KCNT2: variants seen among roughly 807,000 people sequenced by gnomAD.
The protein encoded by KCNT2 is potassium sodium-activated channel subfamily T member 2.
Under a neutral mutation model 153.8 loss-of-function variants are expected in KCNT2, and 67 were observed. The observed-to-expected ratio is 0.44, with a 90% confidence interval of 0.36 to 0.53. KCNT2 has a LOEUF of 0.53. Ranked by LOEUF, KCNT2 falls within the 20% of genes least tolerant of loss-of-function variation. KCNT2 has a pLI of 0.00. For missense variants in KCNT2, 975 were observed against 1,354.8 expected, an observed-to-expected ratio of 0.72 and a Z score of 4.40; for synonymous variants, 500 against 458.8, an observed-to-expected ratio of 1.09 and a Z score of -1.15.
chr1:196,323,477 A>C (rs1242121521), intron 19 of KCNT2, among the ~76,000 whole-genome samples: 1 of 151,924 alleles, frequency 6.6e-6, no homozygotes, highest in Admixed American at 6.6e-5. Context: ...CAGACCAAAC[A>C]GAACAGATGG....
intron 12 of KCNT2, among the ~76,000 whole-genome samples, chr1:196,417,160 TC>T (rs1256854046): frequency 2.0e-5 from 3 of 152,112 alleles, no homozygotes; most frequent in Non-Finnish European, 4.4e-5. Context: ...TGCCACTTTT[TC>T]TTGTAAATAA....
intron 19 of KCNT2, among the ~76,000 whole-genome samples, chr1:196,322,916 A>C (rs1191552935): frequency 6.6e-6 from 1 of 151,924 alleles, no homozygotes; most frequent in South Asian, 2.1e-4. Flanking sequence ...CATCAGTTTG[A>C]ATAGTGACAG....
At chr1:196,605,109 G>A (rs974027116) in intron 1 of KCNT2, among the ~76,000 whole-genome samples, 1 of 152,198 alleles carries the variant, frequency 6.6e-6, no homozygotes, top group African/African-American at 2.4e-5. Context: ...TTCTTACAGT[G>A]AGGAACAAGG....
intron 3 of KCNT2, among the ~76,000 whole-genome samples, chr1:196,484,851 A>T (rs534708341): frequency 6.6e-6 from 1 of 152,152 alleles, no homozygotes; most frequent in Admixed American, 6.6e-5. Context: ...TGTTGGTGAG[A>T]ATGTAAATTA....
intron 18 of KCNT2, among the ~76,000 whole-genome samples, chr1:196,327,152 T>C (rs112079706): frequency 0.05 from 7,543 of 152,186 alleles, 288 homozygotes; most frequent in Non-Finnish European, 0.072. Flanking sequence ...GCTTGTTCTA[T>C]TGTAAACTAA....
chr1:196,569,665 G>A lies in KCNT2; in HGVS notation c.95+38550C>T, dbSNP rs1164868749. Among the ~76,000 whole-genome samples the A allele has an allele frequency of 3.3e-5, 5 of 152,016 alleles. No homozygotes were observed. In the East Asian group the frequency reaches 9.7e-4, roughly 29 times the overall value. On this transcript the variant is annotated intron_variant, in intron 1 of 27. Transcript: ENST00000294725. Reference sequence around the variant, plus strand: ...GAGGGAGTTCAGACTTCTGGAGAGAGCTAAAAAAAACCCTCTGAATTCATT... The same window carrying A: ...GAGGGAGTTCAGACTTCTGGAGAGAACTAAAAAAAACCCTCTGAATTCATT...
At chr1:196,401,144 T>C (rs763468118) in intron 12 of KCNT2, among the ~76,000 whole-genome samples, 1 of 151,854 alleles carries the variant, frequency 6.6e-6, no homozygotes, top group Non-Finnish European at 1.5e-5. Flanking sequence ...GAGCTGACAT[T>C]TGTGAAGCAC....
At chr1:196,525,392 T>C (rs1300264099) in intron 1 of KCNT2, among the ~76,000 whole-genome samples, 1 of 152,198 alleles carries the variant, frequency 6.6e-6, no homozygotes, top group East Asian at 1.9e-4. Context: ...GTAATTTCCC[T>C]GTTTAATAGC....
At chr1:196,330,219 A>G (rs1437891167) in intron 18 of KCNT2, among the ~76,000 whole-genome samples, 1 of 151,506 alleles carries the variant, frequency 6.6e-6, no homozygotes, top group African/African-American at 2.4e-5. Flanking sequence ...CAAAATTTAT[A>G]ATATTTGTCA....
intron 14 of KCNT2, among the ~76,000 whole-genome samples, chr1:196,360,625 T>A (rs1028855846): frequency 2.6e-5 from 4 of 151,972 alleles, no homozygotes; most frequent in South Asian, 4.1e-4. Context: ...ATCTGACTGG[T>A]GTCTTCCGAA....
At chr1:196,289,459 A>G (rs963483651) in intron 22 of KCNT2, among the ~76,000 whole-genome samples, 4 of 152,150 alleles carry the variant, frequency 2.6e-5, no homozygotes, top group African/African-American at 9.7e-5. Flanking sequence ...TGCCTGGCAC[A>G]CAGTCAGTGA....
At chr1:196,334,994 C>T (rs1286403522) in intron 16 of KCNT2, among the ~76,000 whole-genome samples, 1 of 152,088 alleles carries the variant, frequency 6.6e-6, no homozygotes, top group Non-Finnish European at 1.5e-5. Context: ...ATACTTGAGG[C>T]ATTCAAGGAA....
intron 1 of KCNT2, among the ~76,000 whole-genome samples, chr1:196,507,689 A>G (rs1681260162): frequency 6.6e-6 from 1 of 152,194 alleles, no homozygotes; most frequent in East Asian, 1.9e-4. Context: ...TGTTATATTT[A>G]TATAAAGGAT....
intron 14 of KCNT2, among the ~76,000 whole-genome samples, chr1:196,372,464 G>A (rs923119948): frequency 2.0e-5 from 3 of 151,774 alleles, no homozygotes; most frequent in African/African-American, 7.2e-5. Flanking sequence ...AAGTACATTT[G>A]TCTCTTTAAA....
intron 1 of KCNT2, among the ~76,000 whole-genome samples, chr1:196,593,537 TA>T (rs989561565): frequency 7.2e-5 from 11 of 151,792 alleles, no homozygotes. Context: ...CGAAAATAAC[TA>T]AAAGAGTATA....
At chr1:196,500,133 G>A (rs975541524) in intron 1 of KCNT2, among the ~76,000 whole-genome samples, 9 of 149,996 alleles carry the variant, frequency 6.0e-5, no homozygotes, top group Middle Eastern at 6.8e-3. Context: ...GATAGAGTGA[G>A]ACTCCATCAA....
At chr1:196,433,869 T>C (rs1486698483) in intron 8 of KCNT2, among the ~76,000 whole-genome samples, 1 of 152,034 alleles carries the variant, frequency 6.6e-6, no homozygotes, top group Non-Finnish European at 1.5e-5. Context: ...GCTGGGTAGG[T>C]ACACAGGTAG....
At chr1:196,476,420 ATTTGTCAATCAGGACATAT>A (rs993085583) in intron 5 of KCNT2, among the ~76,000 whole-genome samples, 1 of 152,184 alleles carries the variant, frequency 6.6e-6, no homozygotes, top group Non-Finnish European at 1.5e-5. Context: ...CAATATCCAG[ATTTGTCAATCAGGACATAT>A]TTATAGTGCA....
intron 22 of KCNT2, among the ~76,000 whole-genome samples, chr1:196,291,410 AT>A (rs1481195518): frequency 1.3e-5 from 2 of 152,046 alleles, no homozygotes; most frequent in Non-Finnish European, 2.9e-5. Flanking sequence ...AAAAAGTAAG[AT>A]TCCAAGCATC....
Sources: gnomAD v4.1 joint callset for allele counts (sites outside exome capture counted in the v4.1 genomes callset) on GRCh38, gnomAD v4.1.1 for gene constraint, MANE v1.5 for transcripts, NCBI Gene and HGNC (gene_info 2026-07-23, HGNC 2026-07-21) for gene names.